Variants in HS3ST4 observed in about 807,000 individuals in gnomAD.
The protein encoded by HS3ST4 is heparan sulfate glucosamine 3-O-sulfotransferase 4.
Under a neutral mutation model 29.2 loss-of-function variants are expected in HS3ST4, and 17 were observed. The observed-to-expected ratio is 0.58, with a 90% confidence interval of 0.40 to 0.87. The LOEUF is 0.87. Among genes scored for constraint, HS3ST4 ranks in the 40% least tolerant of loss-of-function variants. The pLI is 0.00. For missense variants in HS3ST4, 627 were observed against 634.5 expected, an observed-to-expected ratio of 0.99 and a Z score of 0.13; for synonymous variants, 314 against 285.7, an observed-to-expected ratio of 1.10 and a Z score of -1.00.
chr16:25,742,902 G>A (rs920095894), intron 1 of HS3ST4, among the ~76,000 whole-genome samples: 1 of 152,152 alleles, frequency 6.6e-6, no homozygotes, highest in Non-Finnish European at 1.5e-5. Flanking sequence ...GATTTCTAAT[G>A]CATCTCTTGA....
intron 1 of HS3ST4, among the ~76,000 whole-genome samples, chr16:25,931,140 C>A (rs1409103684): frequency 1.3e-5 from 2 of 152,164 alleles, no homozygotes; most frequent in African/African-American, 2.4e-5. Flanking sequence ...GAAATGCGGC[C>A]TTTGGGGACC....
chr16:26,107,730 C>T (rs1462219444), intron 1 of HS3ST4, among the ~76,000 whole-genome samples: 1 of 152,154 alleles, frequency 6.6e-6, no homozygotes, highest in African/African-American at 2.4e-5. Flanking sequence ...ATTTCATTCT[C>T]CTTATGGCTG....
At chr16:25,850,423 T>G (rs1967507432) in intron 1 of HS3ST4, among the ~76,000 whole-genome samples, 1 of 152,154 alleles carries the variant, frequency 6.6e-6, no homozygotes, top group Non-Finnish European at 1.5e-5. Context: ...ATAGCTAACC[T>G]CTTATGTGAA....
intron 1 of HS3ST4, among the ~76,000 whole-genome samples, chr16:25,816,766 G>A (rs1415435099): frequency 6.6e-6 from 1 of 152,190 alleles, no homozygotes; most frequent in East Asian, 1.9e-4. Context: ...AGAGGTCGAG[G>A]AGCCACACCT....
intron 1 of HS3ST4, chr16:25,886,910 T>A (rs1967960142): frequency 6.6e-6 from 1 of 152,256 alleles, no homozygotes; most frequent in Non-Finnish European, 1.5e-5. Context: ...TCCTTTGCTC[T>A]GGTATTTAGA....
chr16:25,777,732 C>T (rs1966848938), intron 1 of HS3ST4, among the ~76,000 whole-genome samples: 1 of 152,164 alleles, frequency 6.6e-6, no homozygotes, highest in African/African-American at 2.4e-5. Context: ...CGCGCCACTG[C>T]ACTCCAGCCT....
At chr16:25,939,303 A>ATTT (rs1968550107) in intron 1 of HS3ST4, among the ~76,000 whole-genome samples, 1 of 135,050 alleles carries the variant, frequency 7.4e-6, no homozygotes, top group African/African-American at 3.1e-5. Flanking sequence ...TGCTGACAGC[A>ATTT]TTTATTATTA....
chr16:25,861,637 G>A (rs1596594332), intron 1 of HS3ST4, among the ~76,000 whole-genome samples: 1 of 152,226 alleles, frequency 6.6e-6, no homozygotes, highest in East Asian at 1.9e-4. Context: ...GATGATATAT[G>A]AGCATCCCCA....
At chr16:25,914,323 A>C (rs1041689571) in intron 1 of HS3ST4, among the ~76,000 whole-genome samples, 1 of 145,080 alleles carries the variant, frequency 6.9e-6, no homozygotes, top group African/African-American at 2.6e-5. Flanking sequence ...GTATAGGGGT[A>C]TATGTGGTGT....
chr16:25,873,645 C>T (rs1247902679), intron 1 of HS3ST4, among the ~76,000 whole-genome samples: 4 of 61,832 alleles, frequency 6.5e-5, no homozygotes, highest in African/African-American at 2.2e-4. Flanking sequence ...TTCATCCATC[C>T]ATCCATCCGT....
At chr16:25,888,074 TCA>T (rs1967973166) in intron 1 of HS3ST4, among the ~76,000 whole-genome samples, 1 of 152,188 alleles carries the variant, frequency 6.6e-6, no homozygotes, top group African/African-American at 2.4e-5. Context: ...TGTATGTTGT[TCA>T]TGCCATGAAA....
At chr16:26,050,055 C>T (rs1422393510) in intron 1 of HS3ST4, among the ~76,000 whole-genome samples, 1 of 152,102 alleles carries the variant, frequency 6.6e-6, no homozygotes, top group Non-Finnish European at 1.5e-5. Context: ...TTGATTAAAC[C>T]ATTGTCCATT....
At chr16:26,092,973 A>G (rs1287158172) in intron 1 of HS3ST4, among the ~76,000 whole-genome samples, 3 of 152,144 alleles carry the variant, frequency 2.0e-5, no homozygotes, top group Non-Finnish European at 4.4e-5. Flanking sequence ...TCGCCCACAG[A>G]GCCTTGCTCA....
chr16:25,821,520 C>T (rs1442285566), intron 1 of HS3ST4, among the ~76,000 whole-genome samples: 1 of 152,164 alleles, frequency 6.6e-6, no homozygotes, highest in African/African-American at 2.4e-5. Flanking sequence ...AGCTTTTCCT[C>T]TATGATCATT....
chr16:25,726,544 A>C (rs1216874873), intron 1 of HS3ST4, among the ~76,000 whole-genome samples: 1 of 152,190 alleles, frequency 6.6e-6, no homozygotes, highest in Non-Finnish European at 1.5e-5. Flanking sequence ...AGTCAGGGTG[A>C]TTTAAAGGCT....
intron 1 of HS3ST4, among the ~76,000 whole-genome samples, chr16:25,867,339 A>C (rs1967706290): frequency 6.6e-6 from 1 of 152,152 alleles, no homozygotes; most frequent in South Asian, 2.1e-4. Context: ...TGATAGGAGC[A>C]GCAAATGTAG....
intron 1 of HS3ST4, among the ~76,000 whole-genome samples, chr16:25,854,644 A>G (rs1967557151): frequency 6.6e-6 from 1 of 151,956 alleles, no homozygotes; most frequent in South Asian, 2.1e-4. Context: ...CGCCTCTGAC[A>G]TTTTTGCCTC....
intron 1 of HS3ST4, among the ~76,000 whole-genome samples, chr16:25,823,516 A>G (rs891603636): frequency 6.6e-6 from 1 of 152,170 alleles, no homozygotes. Flanking sequence ...TATTGGAATT[A>G]TAAGATTTTC....
At chr16:25,830,066 C>A (rs1188854160) in intron 1 of HS3ST4, among the ~76,000 whole-genome samples, 2 of 152,104 alleles carry the variant, frequency 1.3e-5, no homozygotes, top group Non-Finnish European at 2.9e-5. Context: ...TTCAGGCAAT[C>A]CACCCCCTTC....
Sources: gnomAD v4.1 joint callset for allele counts (sites outside exome capture counted in the v4.1 genomes callset) on GRCh38, gnomAD v4.1.1 for gene constraint, MANE v1.5 for transcripts, NCBI Gene and HGNC (gene_info 2026-07-23, HGNC 2026-07-21) for gene names.